PLEKHA5: variants seen among roughly 807,000 people sequenced by gnomAD.
PLEKHA5 encodes the protein pleckstrin homology domain-containing family A member 5.
Under a neutral mutation model 181.9 loss-of-function variants are expected in PLEKHA5, and 55 were observed. That is an observed-to-expected ratio of 0.30 (90% CI 0.24 to 0.38). The LOEUF (loss-of-function observed/expected upper bound fraction) is 0.38. Ranked by LOEUF, PLEKHA5 falls within the 10% of genes least tolerant of loss-of-function variation. PLEKHA5 has a pLI of 1.00. For missense variants in PLEKHA5, 1,432 were observed against 1,549.5 expected (o/e 0.92, Z 1.27); for synonymous variants, 535 against 529.4 (o/e 1.01, Z -0.15).
At chr12:19,268,818 A>G (rs1025629202) in intron 8 of PLEKHA5, among the ~76,000 whole-genome samples, 17 of 152,208 alleles carry the variant, frequency 1.1e-4, no homozygotes, top group Admixed American at 1.0e-3. Flanking sequence ...CAGGGAGTCC[A>G]GTAACATTTT....
intron 20 of PLEKHA5, among the ~76,000 whole-genome samples, chr12:19,327,307 T>C (rs2092300256): frequency 6.6e-6 from 1 of 151,388 alleles, no homozygotes; most frequent in Admixed American, 6.6e-5. Flanking sequence ...AGATGGTATC[T>C]CATTGTGATT....
chr12:19,360,642 T>A (rs1361413631), intron 28 of PLEKHA5, among the ~76,000 whole-genome samples: 4 of 150,820 alleles, frequency 2.7e-5, no homozygotes, highest in African/African-American at 9.8e-5. Context: ...AAAGAAAAAT[T>A]AAAAAAAAAT....
Position 19,263,383 on chromosome 12 carries a change from C to T in PLEKHA5, c.610+2362C>T, listed in dbSNP as rs565521348. 2.0e-5 allele frequency among the ~76,000 whole-genome samples: 3 copies of T among 152,268 alleles called. No individual in the cohort carries two copies. In the East Asian group the frequency reaches 5.8e-4, roughly 29 times the overall value. ...GATTTGAACTCAGGCACTCTGACTC[C>T]AGAGCTGACACTGTTAGTTTCTATT... On this transcript the variant is annotated intron_variant, in intron 7 of 31. Transcript: ENST00000429027.
intron 3 of PLEKHA5, among the ~76,000 whole-genome samples, chr12:19,198,830 C>T (rs1479875051): frequency 6.6e-6 from 1 of 152,076 alleles, no homozygotes; most frequent in Admixed American, 6.6e-5. Flanking sequence ...TAGCAGAATG[C>T]AGGAATAGTT....
intron 30 of PLEKHA5, among the ~76,000 whole-genome samples, chr12:19,368,020 G>A (rs1043904238): frequency 3.3e-5 from 5 of 151,820 alleles, no homozygotes; most frequent in African/African-American, 9.7e-5. Context: ...AAAAGCATGG[G>A]GTTCTGGGCA....
chr12:19,347,161 T>G lies in PLEKHA5; in HGVS notation c.2877T>G (p.Tyr959Ter). The G allele has an allele frequency of 2.6e-6, 4 of 1,546,282 alleles. No individual in the cohort carries two copies. The highest frequency in any genetic ancestry group is 2.6e-6 in the Non-Finnish European group (3 of 1,142,966). ...EEKKMYQVQG[Y>*]PRNGSHCGPD... ...AGAAGATGTATCAAGTTCAAGGATA[T>G]CCAAGAAATGGATCTCACTGTGTAA... is the stretch of plus-strand genomic sequence containing the variant. The change falls in exon 24 of 32, where the codon TAT becomes TAG. Residue 959 changes from tyrosine (Y) to a stop codon, truncating the protein, a stop_gained. Transcript: ENST00000429027. LOFTEE classifies it high-confidence loss of function.
In PLEKHA5 at chr12:19,306,469, G is replaced by C. The variant is rs1170683988; in HGVS notation, c.2038-8345G>C. 4.7e-6 allele frequency: 3 copies of C among 641,344 alleles called. No individual in the cohort carries two copies. The Admixed American group carries it at 6.1e-5, about 13-fold the overall frequency. The allele number at this position is 641,344 out of a possible 1,614,324, so 39.7% of individuals were successfully genotyped here. A position where few individuals can be genotyped will look rare whatever the true frequency, so the allele number is the denominator to read the frequency against. On this transcript the variant is annotated intron_variant, in intron 15 of 31. Coordinates refer to ENST00000429027, the MANE Select transcript of PLEKHA5 (RefSeq NM_001256470.2). ...GTAGCATCGGATACCCACCTCCCAC[G>C]AACCGGTTCCTCTTCCCCCTCCTTG...
intron 21 of PLEKHA5, among the ~76,000 whole-genome samples, chr12:19,341,397 A>C (rs1425207999): frequency 6.6e-6 from 1 of 152,160 alleles, no homozygotes; most frequent in African/African-American, 2.4e-5. Flanking sequence ...GTGTCTATAC[A>C]TATATATATC....
chr12:19,369,550 A>AAAAG (rs57337442), intron 30 of PLEKHA5, 143 bp from the exon 31 acceptor site: 478,151 of 507,526 alleles, frequency 0.94, 227,961 homozygotes, highest in Non-Finnish European at 1. Flanking sequence ...TTTAAAAAGA[A>AAAAG]AAAATCACAA....
chr12:19,310,936 C>CTAG lies in PLEKHA5; in HGVS notation c.2038-3876_2038-3874dup, dbSNP rs1303673646. ...CCTTCAGCAAGTCCTAATCTTTTTG[C>CTAG]TAGTGGAAGGTCTTGCCTTGATGTT... On this transcript the variant is annotated intron_variant, in intron 15 of 31. Coordinates refer to ENST00000429027, the MANE Select transcript of PLEKHA5 (RefSeq NM_001256470.2). Among the ~76,000 whole-genome samples, 4 of 152,222 alleles carry CTAG rather than the reference C, an allele frequency of 2.6e-5. No individual in the cohort carries two copies. In the East Asian group the frequency reaches 7.7e-4, roughly 29 times the overall value.
intron 10 of PLEKHA5, among the ~76,000 whole-genome samples, 183 bp downstream of exon 10, chr12:19,270,388 A>AT (rs1452150086): frequency 2.6e-5 from 4 of 152,206 alleles, no homozygotes; most frequent in East Asian, 1.9e-4. Context: ...TGATAGTTTC[A>AT]TTTTTTCAAC....
Position 19,347,194 on chromosome 12 carries a change from G to T in PLEKHA5, c.2898+12G>T, listed in dbSNP as rs2094376650. On this transcript the variant is annotated intron_variant, in intron 24 of 31. Transcript: ENST00000429027. ...ATGGATCTCACTGTGTAAGTGGCTG[G>T]AATAGCCACAGAATAATCAATCCTA... The T allele has an allele frequency of 1.4e-6, 2 of 1,444,634 alleles. No individual in the cohort carries two copies. The highest frequency in any genetic ancestry group is 1.9e-6 in the Non-Finnish European group (2 of 1,055,590). 89.5% of individuals were successfully genotyped at this position (1,444,634 alleles called of 1,614,324 possible). A position where few individuals can be genotyped will look rare whatever the true frequency, so the allele number is the denominator to read the frequency against.
At chr12:19,189,859 G>T (rs2050695398) in intron 3 of PLEKHA5, among the ~76,000 whole-genome samples, 1 of 152,112 alleles carries the variant, frequency 6.6e-6, no homozygotes, top group Non-Finnish European at 1.5e-5. Context: ...TTAGAAAAGG[G>T]CTCTTTTGAG....
rs553435547 is a variant in PLEKHA5 at position 19,323,304 on chromosome 12, C to T, written c.2448+637C>T. ...TTGGGAGGCCAAGGTGGGTGGATCA[C>T]CTGAAGTCAGGAGTTCAAGACCAGC... is the stretch of plus-strand genomic sequence containing the variant. On this transcript the variant is annotated intron_variant, in intron 20 of 31. Transcript: ENST00000429027. 7.2e-5 allele frequency among the ~76,000 whole-genome samples: 11 copies of T among 152,140 alleles called. No individual in the cohort carries two copies. The South Asian group carries it at 2.1e-3, about 29-fold the overall frequency.
chr12:19,301,062 A>G (rs1051634046), intron 15 of PLEKHA5, among the ~76,000 whole-genome samples: 2 of 151,960 alleles, frequency 1.3e-5, no homozygotes, highest in African/African-American at 4.8e-5. Flanking sequence ...AGGCAGGAGA[A>G]TCTCTTTTAC....
chr12:19,134,197 A>C (rs1032530145), intron 3 of PLEKHA5, among the ~76,000 whole-genome samples: 1 of 152,024 alleles, frequency 6.6e-6, no homozygotes, highest in Non-Finnish European at 1.5e-5. Flanking sequence ...CTTTTGTTTT[A>C]CGAGCCATTT....
At chr12:19,219,174 A>G (rs527926978) in intron 3 of PLEKHA5, among the ~76,000 whole-genome samples, 46 of 152,234 alleles carry the variant, frequency 3.0e-4, no homozygotes, top group Middle Eastern at 3.4e-3. Flanking sequence ...TTTCACATAC[A>G]TGGGCTCTGC....
intron 3 of PLEKHA5, among the ~76,000 whole-genome samples, chr12:19,247,784 A>G (rs1165241744): frequency 2.0e-5 from 3 of 151,528 alleles, no homozygotes; most frequent in Non-Finnish European, 2.9e-5. Context: ...GGGTGAGGGC[A>G]TTCGTTCATT....
chr12:19,256,837 C>T (rs905430836), intron 5 of PLEKHA5, among the ~76,000 whole-genome samples: 2 of 152,034 alleles, frequency 1.3e-5, no homozygotes, highest in African/African-American at 4.8e-5. Flanking sequence ...ACTGTATATC[C>T]TTATGTGTAT....
Sources: allele counts gnomAD v4.1 joint callset (sites outside exome capture counted in the v4.1 genomes callset), GRCh38; gene constraint gnomAD v4.1.1; transcripts MANE v1.5; gene names NCBI Gene and HGNC (gene_info 2026-07-23, HGNC 2026-07-21).